The following DACH1 variants were observed in gnomAD, a reference collection of about 807,000 sequenced individuals.
The protein encoded by DACH1 is dachshund homolog 1.
Under a neutral mutation model 54.2 loss-of-function variants are expected in DACH1, and 12 were observed. The observed-to-expected ratio is 0.22, with a 90% confidence interval of 0.14 to 0.36. The LOEUF is 0.36. Ranked by LOEUF, DACH1 falls within the 10% of genes least tolerant of loss-of-function variation. The pLI is 1.00. For missense variants in DACH1, 805 were observed against 929.8 expected (o/e 0.87, Z 1.75); for synonymous variants, 386 against 366.2 (o/e 1.05, Z -0.62).
At chr13:71,530,227 C>G (rs1292839892) in intron 6 of DACH1, among the ~76,000 whole-genome samples, 1 of 152,092 alleles carries the variant, frequency 6.6e-6, no homozygotes, top group East Asian at 1.9e-4. Flanking sequence ...ACTAGAAGAG[C>G]ATGGAACCAC....
In DACH1 at chr13:71,439,489, T is replaced by TTTTG. The variant is rs2138089243; in HGVS notation, c.*1162_*1165dup. 2 of 152,544 alleles carry TTTTG rather than the reference T, an allele frequency of 1.3e-5. No homozygotes were observed. The highest frequency in any genetic ancestry group is 3.9e-4 in the East Asian group (2 of 5,166). The allele number at this position is 152,544 out of a possible 1,614,324, so 9.4% of individuals were successfully genotyped here. On this transcript the variant is annotated 3_prime_UTR_variant, in exon 11 of 11. Coordinates refer to ENST00000613252, the MANE Select transcript of DACH1 (RefSeq NM_080759.6). ...GACTGGTACATCAAGGTTTGTTAGGTTTTGTTTTCAGCAACATTAACATAA... is the reference window on the plus strand; with the variant it reads ...GACTGGTACATCAAGGTTTGTTAGGTTTTGTTTGTTTTCAGCAACATTAACATAA...
chr13:71,601,347 T>C (rs1206866500), intron 3 of DACH1, among the ~76,000 whole-genome samples: 1 of 152,036 alleles, frequency 6.6e-6, no homozygotes, highest in Admixed American at 6.6e-5. Flanking sequence ...TACAGAAATA[T>C]TCGTCCCTTT....
intron 1 of DACH1, among the ~76,000 whole-genome samples, chr13:71,808,103 G>A (rs962892943): frequency 2.6e-5 from 4 of 152,052 alleles, no homozygotes; most frequent in African/African-American, 7.2e-5. Context: ...CTGGACCAAC[G>A]TCTTCACCAT....
chr13:71,841,227 T>C (rs1355936394), intron 1 of DACH1, among the ~76,000 whole-genome samples: 1 of 152,190 alleles, frequency 6.6e-6, no homozygotes. Flanking sequence ...ACAGCATTAA[T>C]ATAAAATTTA....
At chr13:71,603,856 A>C (rs1874689010) in intron 3 of DACH1, among the ~76,000 whole-genome samples, 2 of 151,964 alleles carry the variant, frequency 1.3e-5, no homozygotes, top group African/African-American at 4.8e-5. Flanking sequence ...AAAATTATGA[A>C]CATTACAAGT....
At chr13:71,709,223 TTCA>T (rs1882597903) in intron 1 of DACH1, among the ~76,000 whole-genome samples, 1 of 152,134 alleles carries the variant, frequency 6.6e-6, no homozygotes, top group African/African-American at 2.4e-5. Flanking sequence ...AAAATATCAA[TTCA>T]TCACTGAAAT....
intron 1 of DACH1, among the ~76,000 whole-genome samples, chr13:71,748,958 TTCTTTC>T (rs1211494077): frequency 3.4e-5 from 1 of 29,084 alleles, no homozygotes; most frequent in Non-Finnish European, 1.8e-4. Flanking sequence ...CTTTCTCTCT[TTCTTTC>T]TCTCTCTCTC....
intron 3 of DACH1, among the ~76,000 whole-genome samples, chr13:71,600,014 C>A (rs1874383336): frequency 6.6e-6 from 1 of 151,598 alleles, no homozygotes; most frequent in African/African-American, 2.4e-5. Context: ...GGAATAGGGC[C>A]AAAAAAATCA....
Position 71,438,297 on chromosome 13 carries a change from A to T in DACH1, c.*2358T>A, listed in dbSNP as rs1873693294. 6.6e-6 allele frequency: 1 copy of T among 152,400 alleles called. No homozygotes were observed. The highest frequency in any genetic ancestry group is 1.5e-5 in the Non-Finnish European group (1 of 67,856). 9.4% of individuals were successfully genotyped at this position (152,400 alleles called of 1,614,324 possible). A position where few individuals can be genotyped will look rare whatever the true frequency, so the allele number is the denominator to read the frequency against. On this transcript the variant is annotated 3_prime_UTR_variant, in exon 11 of 11. Coordinates refer to ENST00000613252, the MANE Select transcript of DACH1 (RefSeq NM_080759.6). ...TTATAATATAGAACAACTAGACATT[A>T]ATATTTTTAGGATTACAAAAGCATG...
intron 10 of DACH1, among the ~76,000 whole-genome samples, chr13:71,462,418 C>G (rs186565192): frequency 6.6e-6 from 1 of 151,762 alleles, no homozygotes; most frequent in Admixed American, 6.6e-5. Flanking sequence ...GAAATTCACA[C>G]CATGTCATGA....
intron 2 of DACH1, among the ~76,000 whole-genome samples, chr13:71,638,253 A>T (rs1241292388): frequency 1.3e-5 from 2 of 152,212 alleles, no homozygotes; most frequent in Non-Finnish European, 2.9e-5. Context: ...GGCGGCTTAT[A>T]AATATCTCAT....
chr13:71,653,884 TC>T (rs1442354684), intron 2 of DACH1, among the ~76,000 whole-genome samples: 1 of 152,190 alleles, frequency 6.6e-6, no homozygotes, highest in Non-Finnish European at 1.5e-5. Context: ...TTTGACATTT[TC>T]TACAGAGTAG....
At chr13:71,834,436 A>G (rs1373849012) in intron 1 of DACH1, among the ~76,000 whole-genome samples, 1 of 151,992 alleles carries the variant, frequency 6.6e-6, no homozygotes, top group African/African-American at 2.4e-5. Context: ...AAGACCCCAA[A>G]TATCTACCTA....
intron 1 of DACH1, among the ~76,000 whole-genome samples, chr13:71,691,369 A>G (rs1216457130): frequency 6.6e-6 from 1 of 152,206 alleles, no homozygotes; most frequent in African/African-American, 2.4e-5. Context: ...TAAATTCACT[A>G]TGTGATCTAA....
chr13:71,605,602 T>A (rs1482606735), intron 3 of DACH1, among the ~76,000 whole-genome samples: 3 of 152,028 alleles, frequency 2.0e-5, no homozygotes, highest in Non-Finnish European at 4.4e-5. Flanking sequence ...ATATCATTTT[T>A]AAGCTTTTAT....
intron 6 of DACH1, among the ~76,000 whole-genome samples, chr13:71,526,359 G>A (rs1455900491): frequency 6.6e-6 from 1 of 151,956 alleles, no homozygotes; most frequent in Admixed American, 6.6e-5. Context: ...TGTCTTCACT[G>A]GCAGTTCCAT....
At chr13:71,847,421 G>A (rs2138253459) in intron 1 of DACH1, among the ~76,000 whole-genome samples, 1 of 152,174 alleles carries the variant, frequency 6.6e-6, no homozygotes, top group East Asian at 1.9e-4. Context: ...AAGTATCTGA[G>A]GGTTTTAGCA....
chr13:71,543,837 C>T (rs1883296303), intron 6 of DACH1, among the ~76,000 whole-genome samples: 1 of 152,122 alleles, frequency 6.6e-6, no homozygotes, highest in Non-Finnish European at 1.5e-5. Flanking sequence ...GCACTTGATC[C>T]TTAGCCGTAG....
chr13:71,774,611 C>T (rs1194262624), intron 1 of DACH1, among the ~76,000 whole-genome samples: 1 of 152,068 alleles, frequency 6.6e-6, no homozygotes, highest in Non-Finnish European at 1.5e-5. Context: ...CCATGCTTTA[C>T]AGATGTGGAA....
Sources: gnomAD v4.1 joint callset for allele counts (sites outside exome capture counted in the v4.1 genomes callset) on GRCh38, gnomAD v4.1.1 for gene constraint, MANE v1.5 for transcripts, NCBI Gene and HGNC (gene_info 2026-07-23, HGNC 2026-07-21) for gene names.